Variants in MAP3K13 observed in about 807,000 individuals in gnomAD.
MAP3K13 encodes the protein mitogen-activated protein kinase kinase kinase 13, also known as leucine zipper-bearing kinase.
In MAP3K13, 52 loss-of-function variants were observed where a neutral mutation model predicts 104.0. The ratio of observed to expected loss-of-function variants is 0.50; its 90% CI spans 0.40 to 0.63. MAP3K13 has a LOEUF of 0.63. Among genes scored for constraint, MAP3K13 ranks in the 20% least tolerant of loss-of-function variants. MAP3K13 has a pLI of 0.00. For synonymous variants in MAP3K13, 394 were observed against 442.2 expected, an observed-to-expected ratio of 0.89 and a Z score of 1.37; for missense variants, 914 against 1,218.5, an observed-to-expected ratio of 0.75 and a Z score of 3.72.
Position 185,485,507 on chromosome 3 carries a change from C to A in MAP3K13, c.*3051C>A, listed in dbSNP as rs1244583850. 2 of 151,840 alleles carry A rather than the reference C, an allele frequency of 1.3e-5. No homozygotes were observed. Among genetic ancestry groups the A allele is most frequent in the African/African-American group, 4.8e-5 (2 of 41,342 alleles). The allele number at this position is 151,840 out of a possible 1,614,324, so 9.4% of individuals were successfully genotyped here. A position where few individuals can be genotyped will look rare whatever the true frequency, so the allele number is the denominator to read the frequency against. On this transcript the variant is annotated 3_prime_UTR_variant, in exon 14 of 14. Transcript: ENST00000265026. ...CATGATGAGATCTTGCCCCTTGCTGCCCTGGAGGTGATCCTCCCTCTGTCC... is the reference window on the plus strand; with the variant it reads ...CATGATGAGATCTTGCCCCTTGCTGACCTGGAGGTGATCCTCCCTCTGTCC...
At chr3:185,449,349 G>A (rs935134784) in intron 5 of MAP3K13, among the ~76,000 whole-genome samples, 3 of 146,568 alleles carry the variant, frequency 2.0e-5, no homozygotes, top group African/African-American at 7.6e-5. Flanking sequence ...TTCCAGCCTA[G>A]GTGACAGAGC....
In MAP3K13 at chr3:185,465,778, C is replaced by G. The variant is rs776368621; in HGVS notation, c.1420C>G (p.Arg474Gly). ...HALDIREHYERKLERANNLYM... is the reference protein window; with the variant it reads ...HALDIREHYEGKLERANNLYM... ...GCTGGATATTCGTGAACACTATGAG[C>G]GGAAGCTTGAGCGGGCGAATAATTT... Residue 474 changes from arginine (R) to glycine (G), a missense_variant, in exon 9 of 14, where the codon CGG (arginine) becomes GGG (glycine). Around this residue, in one of 3 missense-constraint regions of MAP3K13, gnomAD observed 583 missense variants for 737.4 expected, o/e 0.79. Transcript: ENST00000265026. 6.2e-7 allele frequency: 1 copy of G among 1,613,822 alleles called. No homozygotes were observed. Among genetic ancestry groups the G allele is most frequent in the Non-Finnish European group, 8.5e-7 (1 of 1,179,868 alleles).
chr3:185,344,598 C>G (rs1722846196), intron 2 of MAP3K13, among the ~76,000 whole-genome samples: 1 of 152,200 alleles, frequency 6.6e-6, no homozygotes, highest in African/African-American at 2.4e-5. Flanking sequence ...TCACTTCCGC[C>G]CCCCTTATCA....
chr3:185,330,153 G>A lies in MAP3K13; in HGVS notation c.-86+44510G>A, dbSNP rs561361868. The stretch of plus-strand genomic sequence containing the variant: ...CCTGACCTCGTGATCCACCCGCCTC[G>A]GCCTCCCAAAGTGCTGGGATTACAG... On this transcript the variant is annotated intron_variant, in intron 2 of 14. Transcript: ENST00000424227. Among the ~76,000 whole-genome samples the A allele has an allele frequency of 1.4e-4, 21 of 147,388 alleles. No homozygotes were observed. In the South Asian group the frequency reaches 3.0e-3, roughly 21 times the overall value.
At chr3:185,371,491 GAT>G (rs1724161614) in intron 1 of MAP3K13, among the ~76,000 whole-genome samples, 1 of 152,232 alleles carries the variant, frequency 6.6e-6, no homozygotes, top group African/African-American at 2.4e-5. Flanking sequence ...GACAGATGGT[GAT>G]TGTCTTCAGT....
At chr3:185,330,722 C>G (rs894883458) in intron 2 of MAP3K13, among the ~76,000 whole-genome samples, 1 of 152,096 alleles carries the variant, frequency 6.6e-6, no homozygotes, top group African/African-American at 2.4e-5. Context: ...GGTAACAAGC[C>G]CCTTTGAAAA....
At chr3:185,331,866 C>T (rs1415307801) in intron 2 of MAP3K13, among the ~76,000 whole-genome samples, 1 of 151,954 alleles carries the variant, frequency 6.6e-6, no homozygotes, top group African/African-American at 2.4e-5. Flanking sequence ...TTCTTATTTC[C>T]CTCCTTTTTA....
At chr3:185,451,989 G>A (rs756529607) in intron 7 of MAP3K13, among the ~76,000 whole-genome samples, 2 of 152,158 alleles carry the variant, frequency 1.3e-5, no homozygotes, top group South Asian at 2.1e-4. Flanking sequence ...TAAGAAAGCT[G>A]TAATGTACAT....
In MAP3K13 at chr3:185,402,780, G is replaced by A. The variant is rs954452116; in HGVS notation, c.-85-25717G>A. ...ACCCAGCCCTGATAGGAAAGAGAGG[G>A]AGGAACATCATTAGCAGAGATTAGA... On this transcript the variant is annotated intron_variant, in intron 1 of 13. Coordinates refer to ENST00000265026, the MANE Select transcript of MAP3K13 (RefSeq NM_004721.5). 6.6e-5 allele frequency among the ~76,000 whole-genome samples: 10 copies of A among 152,270 alleles called. No homozygotes were observed. The East Asian group carries it at 1.9e-3, about 29-fold the overall frequency.
intron 1 of MAP3K13, among the ~76,000 whole-genome samples, chr3:185,375,824 C>G (rs1174485905): frequency 6.6e-6 from 1 of 152,026 alleles, no homozygotes; most frequent in African/African-American, 2.4e-5. Context: ...GATGGAGGAC[C>G]CTTGCCTAGT....
intron 2 of MAP3K13, among the ~76,000 whole-genome samples, chr3:185,344,550 C>A (rs1722843985): frequency 6.6e-6 from 1 of 152,172 alleles, no homozygotes. Context: ...TCCATTTATG[C>A]CCCATCCAAC....
chr3:185,293,299 G>A (rs1258562992), intron 2 of MAP3K13, among the ~76,000 whole-genome samples: 2 of 151,934 alleles, frequency 1.3e-5, no homozygotes, highest in Non-Finnish European at 2.9e-5. Flanking sequence ...TATATTTTTA[G>A]TAGAGATGGG....
At chr3:185,406,592 G>T (rs1381200329) in intron 1 of MAP3K13, among the ~76,000 whole-genome samples, 3 of 152,136 alleles carry the variant, frequency 2.0e-5, no homozygotes, top group Admixed American at 2.0e-4. Flanking sequence ...TGTAGGCTAA[G>T]GGAAAAAGCC....
At position 185,482,197 on chromosome 3, in the gene MAP3K13, G is replaced by A. The variant is rs371280347; in HGVS notation, c.2800-158G>A. Reference sequence around the variant, plus strand: ...TTGTCGTAGCAATCATAATCATCATGTGTTTTCTTTCTCCATAAGTCCCAC... The same window carrying A: ...TTGTCGTAGCAATCATAATCATCATATGTTTTCTTTCTCCATAAGTCCCAC... On this transcript the variant is annotated intron_variant, in intron 13 of 13. Coordinates refer to ENST00000265026, the MANE Select transcript of MAP3K13 (RefSeq NM_004721.5). The surrounding 1 kb of genome is among the most constrained non-coding windows in gnomAD (Gnocchi z 4.5). 2.0e-5 allele frequency among the ~76,000 whole-genome samples: 3 copies of A among 152,266 alleles called. No individual in the cohort carries two copies. The highest frequency in any genetic ancestry group is 1.9e-4 in the East Asian group (1 of 5,204).
intron 2 of MAP3K13, among the ~76,000 whole-genome samples, chr3:185,328,233 G>A (rs961125868): frequency 6.6e-6 from 1 of 152,140 alleles, no homozygotes; most frequent in Non-Finnish European, 1.5e-5. Context: ...ATGGAGATGG[G>A]GGAGGACTAT....
chr3:185,467,736 T>G (rs1489560257), intron 10 of MAP3K13, among the ~76,000 whole-genome samples: 7 of 147,186 alleles, frequency 4.8e-5, no homozygotes, highest in Admixed American at 1.4e-4. Context: ...TGAGCTGAGA[T>G]CATGCCACTG....
At chr3:185,453,721 A>T (rs571712731) in intron 7 of MAP3K13, among the ~76,000 whole-genome samples, 171 of 150,294 alleles carry the variant, frequency 1.1e-3, no homozygotes, top group African/African-American at 4.0e-3. Flanking sequence ...GTGAGCTGAG[A>T]TCACGCCACT....
intron 7 of MAP3K13, among the ~76,000 whole-genome samples, chr3:185,460,125 T>C (rs1717013145): frequency 6.6e-6 from 1 of 152,184 alleles, no homozygotes; most frequent in South Asian, 2.1e-4. Flanking sequence ...AATTTGACTT[T>C]ATTTTGACAT....
chr3:185,290,217 A>G (rs1436370089), intron 2 of MAP3K13, among the ~76,000 whole-genome samples: 2 of 152,178 alleles, frequency 1.3e-5, no homozygotes, highest in Admixed American at 1.3e-4. Context: ...TGGTGATGGC[A>G]TGCTTGAAAA....
Sources: allele counts gnomAD v4.1 joint callset (sites outside exome capture counted in the v4.1 genomes callset), GRCh38; gene constraint gnomAD v4.1.1; regional missense constraint gnomAD v4.1.1; non-coding constraint Gnocchi (gnomAD v3.1); transcripts MANE v1.5; gene names NCBI Gene and HGNC (gene_info 2026-07-23, HGNC 2026-07-21).